The following EMILIN2 variants were observed in gnomAD, a reference collection of about 807,000 sequenced individuals.
EMILIN2 encodes the protein EMILIN-2.
Under a neutral mutation model 87.1 loss-of-function variants are expected in EMILIN2, and 71 were observed. The observed-to-expected ratio is 0.82, with a 90% CI of 0.67 to 0.99. The LOEUF is 0.99. EMILIN2 is among the 50% of genes least tolerant of loss of function. The probability of loss-of-function intolerance (pLI) is 0.00; values close to 1 mark genes in which losing one functional copy is unlikely to be tolerated. For synonymous variants in EMILIN2, 581 were observed against 563.4 expected, an observed-to-expected ratio of 1.03 and a Z score of -0.44; for missense variants, 1,407 against 1,371.8, an observed-to-expected ratio of 1.03 and a Z score of -0.40.
At chr18:2,887,684 T>C (rs532044293) in intron 3 of EMILIN2, among the ~76,000 whole-genome samples, 152 of 152,346 alleles carry the variant, frequency 1.0e-3, no homozygotes, top group Non-Finnish European at 1.8e-3. Context: ...CCTACAAAAC[T>C]GTGAGCCAAA....
Position 2,913,647 on chromosome 18 carries a change from T to TTTTTTAA in EMILIN2, c.*244_*245insTTTTAAT. On this transcript the variant is annotated 3_prime_UTR_variant, in exon 8 of 8. Transcript: ENST00000254528. ...CACTCTAACTGGACAACTGGAAGAC[T>TTTTTTAA]TGGAAAGGCCTCCACCTGTATCTAC... 5.2e-5 allele frequency: 20 copies of TTTTTTAA among 383,266 alleles called. No individual in the cohort carries two copies. The highest frequency in any genetic ancestry group is 2.5e-4 in the South Asian group (5 of 20,080). 23.7% of individuals were successfully genotyped at this position (383,266 alleles called of 1,614,324 possible). A position where few individuals can be genotyped will look rare whatever the true frequency, so the allele number is the denominator to read the frequency against.
chr18:2,885,215 CTTTACAA>C, intron 3 of EMILIN2, 76 bp downstream of exon 3: 1 of 1,458,956 alleles, frequency 6.9e-7, no homozygotes, highest in Non-Finnish European at 9.2e-7. Context: ...AGGATTTGTG[CTTTACAA>C]TGGTGAGCTT....
chr18:2,856,540 ATTG>A (rs1169123300), intron 2 of EMILIN2, among the ~76,000 whole-genome samples: 1 of 152,184 alleles, frequency 6.6e-6, no homozygotes, highest in Non-Finnish European at 1.5e-5. Flanking sequence ...TGTGCCTAAT[ATTG>A]TTGTTACTAA....
Position 2,913,275 on chromosome 18 carries a change from C to G in EMILIN2, c.3033C>G (p.Ile1011Met). 6.2e-7 allele frequency: 1 copy of G among 1,613,574 alleles called. No homozygotes were observed. Among genetic ancestry groups the G allele is most frequent in the Non-Finnish European group, 8.5e-7 (1 of 1,179,614 alleles). ...GGGGCCCGGGGGCATTCCACCTCATCGTGCACCTGAAGGCGGGAGATGCAG... is the reference window on the plus strand; with the variant it reads ...GGGGCCCGGGGGCATTCCACCTCATGGTGCACCTGAAGGCGGGAGATGCAG... ...TCGGPGAFHL[I>M]VHLKAGDAVN... The change falls in exon 8 of 8, where the codon ATC becomes ATG. Residue 1011 changes from isoleucine to methionine, a missense_variant. Physicochemically the swap from Ile to Met is conservative, Grantham distance 10 (BLOSUM62 1). Coordinates refer to ENST00000254528, the MANE Select transcript of EMILIN2 (RefSeq NM_032048.3).
Position 2,913,239 on chromosome 18 carries a change from G to GC in EMILIN2, c.2998dup (p.His1000ProfsTer36), listed in dbSNP as rs762161325. ...AATACCACCGCCCTCCAGGAGCTTT[G>GC]CATACCTGCGGGGGCCCGGGGGCAT... On this transcript the variant is annotated frameshift_variant, in exon 8 of 8. Transcript: ENST00000254528. LOFTEE classifies it high-confidence loss of function. The GC allele has an allele frequency of 2.5e-6, 4 of 1,614,000 alleles. No individual in the cohort carries two copies. In the East Asian group the frequency reaches 8.9e-5, roughly 36 times the overall value.
rs558594527 is a variant in EMILIN2, at chr18:2,903,784, A to T, written c.2360-2999A>T. 1.3e-4 allele frequency among the ~76,000 whole-genome samples: 20 copies of T among 150,044 alleles called. No homozygotes were observed. The South Asian group carries it at 2.8e-3, about 21-fold the overall frequency. On this transcript the variant is annotated intron_variant, in intron 4 of 7. Transcript: ENST00000254528. The stretch of plus-strand genomic sequence containing the variant: ...ATCATTTGTCAGTTCCATTTTTTTT[A>T]AAAATTGACCTCCCTCCTGGAATTC...
intron 2 of EMILIN2, among the ~76,000 whole-genome samples, chr18:2,857,014 T>C (rs920574564): frequency 4.6e-5 from 7 of 152,192 alleles, no homozygotes; most frequent in African/African-American, 1.7e-4. Context: ...ATGAGCCAAA[T>C]TCCTGGTTCG....
In EMILIN2 at chr18:2,890,478, G is replaced by T. The variant is rs925314742; in HGVS notation, c.434-83G>T. 10 of 1,470,486 alleles carry T rather than the reference G, an allele frequency of 6.8e-6. No homozygotes were observed. Among genetic ancestry groups the T allele is most frequent in the Non-Finnish European group, 9.1e-6 (10 of 1,095,802 alleles). 91.1% of individuals were successfully genotyped at this position (1,470,486 alleles called of 1,614,324 possible). ...GTAAGTGAAGATGTACATGTATTTT[G>T]TAGGTACCTTGTTTATTGTCTTGGC... On this transcript the variant is annotated intron_variant, in intron 3 of 7. Transcript: ENST00000254528. This position sits in a 1 kb window ranked among gnomAD's most constrained non-coding sequence, Gnocchi z 4.7.
At chr18:2,850,093 A>ATTTTTTTTTTTTTTTTTTTTTTTTTTT (rs71366611) in intron 2 of EMILIN2, among the ~76,000 whole-genome samples, 1 of 122,540 alleles carries the variant, frequency 8.2e-6, no homozygotes. Flanking sequence ...TGCCCAGCTA[A>ATTTTTTTTTTTTTTTTTTTTTTTTTTT]TTTTTTTTTT....
At position 2,890,108 on chromosome 18, in the gene EMILIN2, G is replaced by A. The variant is rs1326475814; in HGVS notation, c.434-453G>A. Among the ~76,000 whole-genome samples the A allele has an allele frequency of 1.3e-5, 2 of 152,142 alleles. No homozygotes were observed. Among genetic ancestry groups the A allele is most frequent in the Non-Finnish European group, 2.9e-5 (2 of 68,024 alleles). ...GCTAATGGGTGGATCTTGCTAAAGT[G>A]GTTTCTTGTGGTTTTACTGTATGCA... On this transcript the variant is annotated intron_variant, in intron 3 of 7. Coordinates refer to ENST00000254528, the MANE Select transcript of EMILIN2 (RefSeq NM_032048.3). This position sits in a 1 kb window ranked among gnomAD's most constrained non-coding sequence, Gnocchi z 4.7.
rs764874167 is a variant in EMILIN2 at position 2,915,283 on chromosome 18, G to T, written c.*1879G>T. On this transcript the variant is annotated 3_prime_UTR_variant, in exon 8 of 8. Transcript: ENST00000254528. ...AAACAGAATATGCCTCATTATGGCTGGAGCGTGCCTCTACTTTGAGATAAA... is the reference window on the plus strand; with the variant it reads ...AAACAGAATATGCCTCATTATGGCTTGAGCGTGCCTCTACTTTGAGATAAA... 5 of 152,278 alleles carry T rather than the reference G, an allele frequency of 3.3e-5. No homozygotes were observed. Among genetic ancestry groups the T allele is most frequent in the Non-Finnish European group, 7.3e-5 (5 of 68,082 alleles). 9.4% of individuals were successfully genotyped at this position (152,278 alleles called of 1,614,324 possible).
rs2076827845 is a variant in EMILIN2, at chr18:2,890,280, G to C, written c.434-281G>C. On this transcript the variant is annotated intron_variant, in intron 3 of 7. Transcript: ENST00000254528. This position sits in a 1 kb window ranked among gnomAD's most constrained non-coding sequence, Gnocchi z 4.7. ...TGTACATATTATTTTAACAGCTCTA[G>C]AAGCTGTTCTTCTTTATAGATGAGA... Among the ~76,000 whole-genome samples, 1 of 152,184 alleles carries C rather than the reference G, an allele frequency of 6.6e-6. No individual in the cohort carries two copies. Among genetic ancestry groups the C allele is most frequent in the South Asian group, 2.1e-4 (1 of 4,836 alleles).
In EMILIN2 at chr18:2,876,254, T is replaced by G. The variant is rs530086420; in HGVS notation, c.258-8710T>G. 7.2e-5 allele frequency among the ~76,000 whole-genome samples: 11 copies of G among 151,854 alleles called. No homozygotes were observed. The East Asian group carries it at 1.8e-3, about 24-fold the overall frequency. The stretch of plus-strand genomic sequence containing the variant: ...CCTCGGCCTCCCAAAGTGCTGGGAT[T>G]ACAGACATGAGCCAACGCGCCCGGC... On this transcript the variant is annotated intron_variant, in intron 2 of 7. Transcript: ENST00000254528.
intron 7 of EMILIN2, among the ~76,000 whole-genome samples, chr18:2,910,179 C>CCT (rs3033375): frequency 0.28 from 42,510 of 151,786 alleles, 6,290 homozygotes; most frequent in East Asian, 0.49. Flanking sequence ...CCATTGCACC[C>CCT]CTCTCTCAGG....
At chr18:2,853,545 T>C (rs2076611975) in intron 2 of EMILIN2, among the ~76,000 whole-genome samples, 1 of 152,194 alleles carries the variant, frequency 6.6e-6, no homozygotes, top group Admixed American at 6.5e-5. Context: ...TTCCTTAAAG[T>C]GCATCGTGAG....
At chr18:2,909,940 A>AG in intron 7 of EMILIN2, 121 bp downstream of exon 7, 2 of 1,370,166 alleles carry the variant, frequency 1.5e-6, no homozygotes, top group African/African-American at 2.9e-5. Context: ...GCCACCCTGG[A>AG]GCAGATGCCC....
intron 2 of EMILIN2, among the ~76,000 whole-genome samples, chr18:2,873,578 G>A (rs1269200020): frequency 6.7e-6 from 1 of 150,276 alleles, no homozygotes; most frequent in South Asian, 2.1e-4. Flanking sequence ...GTGGTGGCGG[G>A]CGCCTGTAGT....
At chr18:2,902,051 C>T (rs184213496) in intron 4 of EMILIN2, among the ~76,000 whole-genome samples, 16 of 152,266 alleles carry the variant, frequency 1.1e-4, no homozygotes, top group Admixed American at 2.6e-4. Flanking sequence ...ACTAGTGTAA[C>T]AAGTCTGGGT....
At chr18:2,904,070 C>G (rs1019805766) in intron 4 of EMILIN2, among the ~76,000 whole-genome samples, 2 of 152,218 alleles carry the variant, frequency 1.3e-5, no homozygotes, top group Non-Finnish European at 2.9e-5. Context: ...TTATTCTACT[C>G]TTGTAATTGA....
Sources: gnomAD v4.1 joint callset for allele counts (sites outside exome capture counted in the v4.1 genomes callset) on GRCh38, gnomAD v4.1.1 for gene constraint, Gnocchi (gnomAD v3.1) non-coding constraint, MANE v1.5 for transcripts, NCBI Gene and HGNC (gene_info 2026-07-23, HGNC 2026-07-21) for gene names.